Variants in PRKN observed in about 807,000 individuals in gnomAD.
The protein encoded by PRKN is parkin RBR E3 ubiquitin protein ligase.
PRKN carries 56 observed loss-of-function variants against 59.5 expected under a neutral mutation model. That is an observed-to-expected ratio of 0.94 (90% CI 0.76 to 1.18). The LOEUF (loss-of-function observed/expected upper bound fraction) is 1.18, where lower values mean the gene tolerates loss of function less well. Ranked by LOEUF, PRKN falls within the 50% of genes most tolerant of loss-of-function variation. The pLI, the probability that PRKN is intolerant of heterozygous loss-of-function variation, is 0.00. For missense variants in PRKN, 657 were observed against 596.4 expected (o/e 1.10, Z -1.06); for synonymous variants, 250 against 222.1 (o/e 1.13, Z -1.12).
chr6:161,596,029 G>T (rs1184574765), intron 7 of PRKN, among the ~76,000 whole-genome samples: 1 of 152,192 alleles, frequency 6.6e-6, no homozygotes, highest in Non-Finnish European at 1.5e-5. Flanking sequence ...CCACACAGAA[G>T]GACAGGGGAC....
chr6:161,456,481 C>G lies in PRKN; in HGVS notation c.1084-69604G>C, dbSNP rs2084142998. On this transcript the variant is annotated intron_variant, in intron 9 of 11. Transcript: ENST00000366898. The surrounding 1 kb of genome is among the most constrained non-coding windows in gnomAD (Gnocchi z 4.8). ...TTTGAGGTTTTGGGAGTCAGACCGG[C>G]TTCCTTGCTCCTCAGCTTGCAGACA... 6.6e-6 allele frequency among the ~76,000 whole-genome samples: 1 copy of G among 152,196 alleles called. No individual in the cohort carries two copies. Among genetic ancestry groups the G allele is most frequent in the African/African-American group, 2.4e-5 (1 of 41,454 alleles).
chr6:161,952,863 T>C (rs1780039401), intron 6 of PRKN, among the ~76,000 whole-genome samples: 1 of 152,190 alleles, frequency 6.6e-6, no homozygotes, highest in Non-Finnish European at 1.5e-5. Flanking sequence ...CATTCCTCAA[T>C]TGAGGTAATC....
chr6:161,649,023 G>A (rs1006350667), intron 7 of PRKN, among the ~76,000 whole-genome samples: 4 of 152,178 alleles, frequency 2.6e-5, no homozygotes, highest in Non-Finnish European at 5.9e-5. Context: ...GAGTTTGCAA[G>A]TAGCTAAATA....
intron 6 of PRKN, among the ~76,000 whole-genome samples, chr6:161,911,038 C>T (rs781634363): frequency 3.3e-5 from 5 of 152,212 alleles, no homozygotes; most frequent in East Asian, 3.8e-4. Context: ...ATGTTTGCTT[C>T]GTGAGGGTGG....
chr6:162,103,028 G>A (rs1780040491), intron 4 of PRKN, among the ~76,000 whole-genome samples: 1 of 144,142 alleles, frequency 6.9e-6, no homozygotes, highest in Non-Finnish European at 1.5e-5. Context: ...GGGCGAAAGA[G>A]CGAGACTCTG....
At chr6:162,510,839 C>T (rs1462221789) in intron 1 of PRKN, among the ~76,000 whole-genome samples, 1 of 152,182 alleles carries the variant, frequency 6.6e-6, no homozygotes, top group East Asian at 1.9e-4. Context: ...AGGAGAATCG[C>T]TTGATCCCAG....
chr6:161,817,999 T>A (rs1045903107), intron 6 of PRKN, among the ~76,000 whole-genome samples: 1 of 152,102 alleles, frequency 6.6e-6, no homozygotes, highest in Non-Finnish European at 1.5e-5. Flanking sequence ...GTAGGAGCCA[T>A]GGAAACAGAG....
intron 2 of PRKN, among the ~76,000 whole-genome samples, chr6:162,361,459 C>T (rs953838741): frequency 8.5e-5 from 13 of 152,142 alleles, no homozygotes; most frequent in African/African-American, 2.4e-5. Context: ...GAAGGCATCT[C>T]TCTGCAGGCC....
Position 161,361,179 on chromosome 6 carries a change from A to G in PRKN, c.1168-974T>C, listed in dbSNP as rs771393228. ...GATAAGATGCAGCATCACCAAAAAC[A>G]TGAATCCAAACTTTGTCATTTCACT... On this transcript the variant is annotated intron_variant, in intron 10 of 11. Coordinates refer to ENST00000366898, the MANE Select transcript of PRKN (RefSeq NM_004562.3). This position sits in a 1 kb window ranked among gnomAD's most constrained non-coding sequence, Gnocchi z 5.2. Among the ~76,000 whole-genome samples, 7 of 152,272 alleles carry G rather than the reference A, an allele frequency of 4.6e-5. No homozygotes were observed. Among genetic ancestry groups the G allele is most frequent in the South Asian group, 2.1e-4 (1 of 4,834 alleles).
chr6:161,793,207 C>T (rs1562688851), intron 6 of PRKN, among the ~76,000 whole-genome samples: 1 of 152,216 alleles, frequency 6.6e-6, no homozygotes. Context: ...AAAATTCCTT[C>T]CAGCAGCCAA....
At chr6:161,443,404 G>A (rs761262489) in intron 9 of PRKN, among the ~76,000 whole-genome samples, 70 of 152,126 alleles carry the variant, frequency 4.6e-4, no homozygotes, top group South Asian at 2.1e-4. Flanking sequence ...TGCATGGGGC[G>A]GGGGAACTGG....
At chr6:162,671,355 T>C (rs1779309737) in intron 1 of PRKN, among the ~76,000 whole-genome samples, 1 of 151,454 alleles carries the variant, frequency 6.6e-6, no homozygotes, top group Admixed American at 6.6e-5. Flanking sequence ...AAAAATTAGC[T>C]GGGTGTGGTG....
At chr6:161,935,874 A>T (rs555835403) in intron 6 of PRKN, among the ~76,000 whole-genome samples, 1 of 152,286 alleles carries the variant, frequency 6.6e-6, no homozygotes, top group East Asian at 1.9e-4. Flanking sequence ...AGGAACAATG[A>T]CTAACAGCAC....
chr6:162,340,592 T>C lies in PRKN; in HGVS notation c.172-77827A>G, dbSNP rs181967615. On this transcript the variant is annotated intron_variant, in intron 2 of 11. Transcript: ENST00000366898. ...GTACCAAAACAGATATATAGACCAA[T>C]GGAACAGAACAGAGGACTCAGAAAT... Among the ~76,000 whole-genome samples, 4 of 152,148 alleles carry C rather than the reference T, an allele frequency of 2.6e-5. No individual in the cohort carries two copies. The East Asian group carries it at 7.7e-4, about 29-fold the overall frequency.
intron 7 of PRKN, among the ~76,000 whole-genome samples, chr6:161,599,058 G>A (rs1271486712): frequency 6.6e-6 from 1 of 152,152 alleles, no homozygotes; most frequent in Non-Finnish European, 1.5e-5. Context: ...GCCGAGGAAT[G>A]CCGACTCCTG....
intron 6 of PRKN, among the ~76,000 whole-genome samples, chr6:161,881,746 T>C (rs1389727372): frequency 3.3e-5 from 5 of 152,182 alleles, no homozygotes; most frequent in Non-Finnish European, 5.9e-5. Flanking sequence ...GGACTAAGCA[T>C]GATTGTCCCG....
intron 1 of PRKN, among the ~76,000 whole-genome samples, chr6:162,725,740 G>A (rs1224458674): frequency 1.3e-5 from 2 of 150,576 alleles, no homozygotes; most frequent in African/African-American, 4.9e-5. Flanking sequence ...TCCGGCCTGG[G>A]TGACAGAGAC....
In PRKN at chr6:162,082,224, A is replaced by C. The variant is rs149938631; in HGVS notation, c.535-28050T>G. Among the ~76,000 whole-genome samples, 225 of 152,156 alleles carry C rather than the reference A, an allele frequency of 1.5e-3. 3 individuals carry two copies. The highest frequency in any genetic ancestry group is 5.0e-3 in the African/African-American group (206 of 41,456). On this transcript the variant is annotated intron_variant, in intron 4 of 11. Transcript: ENST00000366898. ...GCCTCAAAGATTGGATGGTTTTATA[A>C]GGGGAACTTTCCCTGCACAAGCTCT...
At chr6:162,525,351 C>T (rs1056003105) in intron 1 of PRKN, among the ~76,000 whole-genome samples, 2 of 152,196 alleles carry the variant, frequency 1.3e-5, no homozygotes, top group African/African-American at 2.4e-5. Context: ...TCCTGCTGCC[C>T]GGTCCTCCCA....
Sources: gnomAD v4.1 joint callset for allele counts (sites outside exome capture counted in the v4.1 genomes callset) on GRCh38, gnomAD v4.1.1 for gene constraint, Gnocchi (gnomAD v3.1) non-coding constraint, MANE v1.5 for transcripts, NCBI Gene and HGNC (gene_info 2026-07-23, HGNC 2026-07-21) for gene names.